Variants in C8orf74 observed in about 807,000 individuals in gnomAD.
C8orf74 encodes the protein uncharacterized protein C8orf74.
Under a neutral mutation model 22.2 loss-of-function variants are expected in C8orf74, and 29 were observed. The ratio of observed to expected loss-of-function variants is 1.31; its 90% CI spans 0.97 to 1.78. The LOEUF is 1.78. Among genes scored for constraint, C8orf74 ranks in the 40% most tolerant of loss-of-function variants. C8orf74 has a pLI of 0.00. For missense variants in C8orf74, 515 were observed against 369.9 expected, an observed-to-expected ratio of 1.39 and a Z score of -3.22; for synonymous variants, 255 against 163.1, an observed-to-expected ratio of 1.56 and a Z score of -4.30.
chr8:10,677,618 G>C (rs772965077), intron 2 of C8orf74, among the ~76,000 whole-genome samples: 5 of 151,516 alleles, frequency 3.3e-5, no homozygotes, highest in Non-Finnish European at 5.9e-5. Flanking sequence ...CATAGACCCT[G>C]CCCCCACCAC....
intron 2 of C8orf74, among the ~76,000 whole-genome samples, chr8:10,680,979 C>T (rs1181248780): frequency 6.6e-6 from 1 of 151,924 alleles, no homozygotes; most frequent in East Asian, 1.9e-4. Context: ...TCTTGGAAAG[C>T]GGCTTCTCCA....
chr8:10,700,456 G>C lies in C8orf74; in HGVS notation c.870G>C (p.Ala290=), dbSNP rs760503787. The C allele has an allele frequency of 6.3e-7, 1 of 1,581,542 alleles. No homozygotes were observed. Among genetic ancestry groups the C allele is most frequent in the Admixed American group, 1.8e-5 (1 of 54,920 alleles). The change falls in exon 4 of 4, where the codon GCG becomes GCC. Residue 290 remains alanine, a synonymous_variant. Transcript: ENST00000304519. ...KPQRASKGKK[A]KARK is the part of the protein sequence containing the mutation. Reference sequence around the variant, plus strand: ...AAAGAGCGAGCAAAGGAAAGAAAGCGAAGGCAAGGAAGTAGAAGGTCCCGA... The same window carrying C: ...AAAGAGCGAGCAAAGGAAAGAAAGCCAAGGCAAGGAAGTAGAAGGTCCCGA...
chr8:10,680,969 T>C (rs939122087), intron 2 of C8orf74, among the ~76,000 whole-genome samples: 7 of 152,046 alleles, frequency 4.6e-5, no homozygotes, highest in African/African-American at 1.4e-4. Flanking sequence ...CTTTCAGTCA[T>C]CTTGGAAAGC....
rs553210385 is a variant in C8orf74 at position 10,699,477 on chromosome 8, C to A, written c.649-758C>A. Reference sequence around the variant, plus strand: ...AGATCTCAAAGAAATGCACTACATCCAACCAGTTGCTTCCAGTGTGTCCCC... The same window carrying A: ...AGATCTCAAAGAAATGCACTACATCAAACCAGTTGCTTCCAGTGTGTCCCC... On this transcript the variant is annotated intron_variant, in intron 3 of 3. Coordinates refer to ENST00000304519, the MANE Select transcript of C8orf74 (RefSeq NM_001040032.2). Among the ~76,000 whole-genome samples, 13 of 152,362 alleles carry A rather than the reference C, an allele frequency of 8.5e-5. No homozygotes were observed. The South Asian group carries it at 2.5e-3, about 29-fold the overall frequency.
chr8:10,694,084 C>A (rs62492342), intron 2 of C8orf74, among the ~76,000 whole-genome samples: 2 of 152,086 alleles, frequency 1.3e-5, no homozygotes, highest in African/African-American at 4.8e-5. Context: ...GCTCACACAT[C>A]GCCTTCTCTA....
chr8:10,683,252 A>C (rs557061359), intron 2 of C8orf74, among the ~76,000 whole-genome samples: 256 of 152,318 alleles, frequency 1.7e-3, no homozygotes, highest in African/African-American at 5.8e-3. Flanking sequence ...CCCAGCAGGA[A>C]GGCTCCAGGA....
chr8:10,696,436 CTTTTCTTTTTTT>C (rs1296806342), intron 2 of C8orf74, among the ~76,000 whole-genome samples: 1,787 of 130,790 alleles, frequency 0.014, 49 homozygotes, highest in African/African-American at 0.055. Context: ...CTTTTCTTTT[CTTTTCTTTTTTT>C]TTTTTTTTTT....
chr8:10,686,092 T>A (rs1799256676), intron 2 of C8orf74, among the ~76,000 whole-genome samples: 2 of 152,144 alleles, frequency 1.3e-5, no homozygotes, highest in Admixed American at 1.3e-4. Context: ...AAGGAAGTAG[T>A]TAAAATGGTC....
intron 2 of C8orf74, among the ~76,000 whole-genome samples, chr8:10,680,640 C>A (rs1799129158): frequency 6.6e-6 from 1 of 152,250 alleles, no homozygotes; most frequent in African/African-American, 2.4e-5. Context: ...AAGGGAGGCC[C>A]AGACCACCTC....
At chr8:10,673,414 C>T (rs912471615) in intron 1 of C8orf74, among the ~76,000 whole-genome samples, 5 of 152,110 alleles carry the variant, frequency 3.3e-5, no homozygotes, top group South Asian at 2.1e-4. Context: ...TTGGCCTGCC[C>T]GTGTGTCTGA....
chr8:10,695,667 A>G (rs1393913874), intron 2 of C8orf74, among the ~76,000 whole-genome samples: 1 of 152,126 alleles, frequency 6.6e-6, no homozygotes, highest in Non-Finnish European at 1.5e-5. Context: ...GGGTGGGGAG[A>G]CTTCAAAACA....
chr8:10,689,581 A>C (rs1799331274), intron 2 of C8orf74: 1 of 152,206 alleles, frequency 6.6e-6, no homozygotes, highest in African/African-American at 2.4e-5. Context: ...TAGGGCCGCC[A>C]ACCTCCTGTG....
At chr8:10,699,985 C>T (rs1237940617) in intron 3 of C8orf74, among the ~76,000 whole-genome samples, 1 of 152,328 alleles carries the variant, frequency 6.6e-6, no homozygotes, top group African/African-American at 2.4e-5. Flanking sequence ...AATGTGACTA[C>T]CCATAGTCCG....
At chr8:10,685,980 A>G (rs1247485917) in intron 2 of C8orf74, among the ~76,000 whole-genome samples, 1 of 152,164 alleles carries the variant, frequency 6.6e-6, no homozygotes, top group African/African-American at 2.4e-5. Context: ...GAGGCGGGAG[A>G]ATCACTTGAG....
chr8:10,685,477 T>C lies in C8orf74; in HGVS notation c.241+10639T>C, dbSNP rs190420060. Among the ~76,000 whole-genome samples, 312 of 152,362 alleles carry C rather than the reference T, an allele frequency of 2.0e-3. 2 individuals carry two copies. Among genetic ancestry groups the C allele is most frequent in the African/African-American group, 7.2e-3 (299 of 41,584 alleles). ...CATTCAGCCTTACAAAGGAAGGCAA[T>C]TCTGTCCCATGCTACGACACGGAGG... is the stretch of plus-strand genomic sequence containing the variant. On this transcript the variant is annotated intron_variant, in intron 2 of 3. Transcript: ENST00000304519.
intron 2 of C8orf74, among the ~76,000 whole-genome samples, chr8:10,696,841 G>C (rs1371309433): frequency 1.3e-5 from 2 of 150,962 alleles, no homozygotes; most frequent in African/African-American, 2.4e-5. Flanking sequence ...CACAGCGAAA[G>C]TAACTCTTTA....
intron 2 of C8orf74, among the ~76,000 whole-genome samples, chr8:10,676,473 G>A (rs779101870): frequency 1.3e-5 from 2 of 152,134 alleles, no homozygotes; most frequent in African/African-American, 4.8e-5. Flanking sequence ...ACCAAACAGC[G>A]AGTGCTTTTT....
chr8:10,682,983 G>A (rs943510058), intron 2 of C8orf74, among the ~76,000 whole-genome samples: 3 of 152,246 alleles, frequency 2.0e-5, no homozygotes, highest in Non-Finnish European at 4.4e-5. Flanking sequence ...GCCGCACCTC[G>A]AGTGAGTGGT....
intron 3 of C8orf74, among the ~76,000 whole-genome samples, chr8:10,698,860 C>A (rs1232931884): frequency 2.7e-5 from 4 of 149,704 alleles, no homozygotes. Flanking sequence ...AGCTGAAGAG[C>A]AAATGGCCCT....
Sources: allele counts gnomAD v4.1 joint callset (sites outside exome capture counted in the v4.1 genomes callset), GRCh38; gene constraint gnomAD v4.1.1; transcripts MANE v1.5; gene names NCBI Gene and HGNC (gene_info 2026-07-23, HGNC 2026-07-21).